The following DHTKD1 variants were observed in gnomAD, a reference collection of about 807,000 sequenced individuals.
DHTKD1 encodes 2-oxoadipate dehydrogenase complex component E1.
A neutral mutation model predicts 101.8 loss-of-function variants in DHTKD1; 78 were observed. The observed-to-expected ratio is 0.77, with a 90% confidence interval of 0.64 to 0.93. The LOEUF is 0.93. Ranked by LOEUF, DHTKD1 falls within the 40% of genes least tolerant of loss-of-function variation. The pLI is 0.00. For synonymous variants in DHTKD1, 462 were observed against 450.3 expected (o/e 1.03, Z -0.33); for missense variants, 1,223 against 1,161.7 (o/e 1.05, Z -0.77).
In DHTKD1 at chr10:12,081,607, A is replaced by C. The variant is rs747213281; in HGVS notation, c.290A>C (p.Gln97Pro). ...ATCCAAGCCCTGGTGCAGACACTGCAGGGACCCTTCCACACGGCAGGTATG... is the reference window on the plus strand; with the variant it reads ...ATCCAAGCCCTGGTGCAGACACTGCCGGGACCCTTCCACACGGCAGGTATG... ...PEIQALVQTL[Q>P]GPFHTAGLLN... Residue 97 changes from glutamine (Q) to proline (P), a missense_variant, in exon 2 of 17, where the codon CAG (glutamine) becomes CCG (proline). Transcript: ENST00000263035. 6.2e-6 allele frequency: 10 copies of C among 1,614,130 alleles called. No homozygotes were observed. In the East Asian group the frequency reaches 2.2e-4, roughly 36 times the overall value.
intron 13 of DHTKD1, among the ~76,000 whole-genome samples, chr10:12,114,183 A>C (rs897687943): frequency 6.6e-6 from 1 of 152,186 alleles, no homozygotes; most frequent in African/African-American, 2.4e-5. Flanking sequence ...AATCACAAAA[A>C]TATGCTAGTT....
intron 2 of DHTKD1, among the ~76,000 whole-genome samples, chr10:12,083,559 A>T (rs1832854583): frequency 6.6e-6 from 1 of 152,114 alleles, no homozygotes; most frequent in Non-Finnish European, 1.5e-5. Flanking sequence ...AGATGGTGAA[A>T]CCCCATCTAT....
chr10:12,085,196 GC>G (rs1347790517), intron 3 of DHTKD1, among the ~76,000 whole-genome samples: 1 of 152,110 alleles, frequency 6.6e-6, no homozygotes, highest in African/African-American at 2.4e-5. Flanking sequence ...TATAATCCCA[GC>G]TAATCAGGAG....
chr10:12,084,284 C>G (rs1356516029), intron 2 of DHTKD1, among the ~76,000 whole-genome samples: 1 of 150,138 alleles, frequency 6.7e-6, no homozygotes, highest in Non-Finnish European at 1.5e-5. Flanking sequence ...TTGGTATGTT[C>G]CAGAATTAAC....
chr10:12,106,804 G>A (rs935975097), intron 11 of DHTKD1, among the ~76,000 whole-genome samples: 1 of 152,138 alleles, frequency 6.6e-6, no homozygotes, highest in African/African-American at 2.4e-5. Flanking sequence ...TTGAATACCT[G>A]CCTTAAATCT....
chr10:12,100,288 T>TTTTTTTTTTTG lies in DHTKD1; in HGVS notation c.1756+36_1756+37insGTTTTTTTTTT, dbSNP rs1554793013. 33 of 698,728 alleles carry TTTTTTTTTTTG rather than the reference T, an allele frequency of 4.7e-5. 1 individual carries two copies. Among genetic ancestry groups the TTTTTTTTTTTG allele is most frequent in the Middle Eastern group, 4.5e-4 (1 of 2,198 alleles). The allele number at this position is 698,728 out of a possible 1,614,324, so 43.3% of individuals were successfully genotyped here. ...GTAAGAATTTTCTTTTTTTTTTCTG[T>TTTTTTTTTTTG]TTTTTTTTTTTTTGAGTCTCACCCT... On this transcript the variant is annotated intron_variant, in intron 9 of 16. Coordinates refer to ENST00000263035, the MANE Select transcript of DHTKD1 (RefSeq NM_018706.7).
intron 9 of DHTKD1, among the ~76,000 whole-genome samples, chr10:12,100,753 A>T (rs946061388): frequency 6.6e-6 from 1 of 152,190 alleles, no homozygotes; most frequent in Non-Finnish European, 1.5e-5. Flanking sequence ...GACAACCTTC[A>T]TCAGAGTATA....
intron 1 of DHTKD1, 43 bp downstream of exon 1, chr10:12,069,230 C>A: frequency 6.8e-7 from 1 of 1,472,240 alleles, no homozygotes; most frequent in South Asian, 1.3e-5. Context: ...GGCTGGGACG[C>A]AGAAGCCTCC....
intron 8 of DHTKD1, 64 bp downstream of exon 8, chr10:12,098,060 G>C (rs915463534): frequency 6.8e-7 from 1 of 1,462,120 alleles, no homozygotes; most frequent in Non-Finnish European, 9.2e-7. Context: ...AGCTGACGTT[G>C]GTCTGGTGTT....
At chr10:12,113,712 GC>G (rs767597832) in intron 13 of DHTKD1, among the ~76,000 whole-genome samples, 1 of 152,040 alleles carries the variant, frequency 6.6e-6, no homozygotes, top group African/African-American at 2.4e-5. Context: ...GATTGCTTGA[GC>G]CCAGGAGTTT....
chr10:12,097,653 C>G, intron 7 of DHTKD1, 31 bp from the exon 8 acceptor site: 2 of 1,572,526 alleles, frequency 1.3e-6, no homozygotes, highest in Non-Finnish European at 1.7e-6. Context: ...ACAGGTCAGA[C>G]TGATTTTTGT....
intron 5 of DHTKD1, among the ~76,000 whole-genome samples, chr10:12,090,920 G>T (rs1156590220): frequency 6.6e-6 from 1 of 152,130 alleles, no homozygotes; most frequent in African/African-American, 2.4e-5. Flanking sequence ...AGATTGTGGT[G>T]GCGGGCGCCT....
At position 12,100,290 on chromosome 10, in the gene DHTKD1, T is replaced by TTTTTTTTTTG. The variant is rs765145842; in HGVS notation, c.1756+37_1756+38insGTTTTTTTTT. On this transcript the variant is annotated intron_variant, in intron 9 of 16. Transcript: ENST00000263035. ...AAGAATTTTCTTTTTTTTTTCTGTT[T>TTTTTTTTTTG]TTTTTTTTTTTGAGTCTCACCCTGT... 26 of 843,530 alleles carry TTTTTTTTTTG rather than the reference T, an allele frequency of 3.1e-5. 1 individual carries two copies. Among genetic ancestry groups the TTTTTTTTTTG allele is most frequent in the Admixed American group, 1.5e-4 (5 of 34,436 alleles). The allele number at this position is 843,530 out of a possible 1,614,324, so 52.3% of individuals were successfully genotyped here. A position where few individuals can be genotyped will look rare whatever the true frequency, so the allele number is the denominator to read the frequency against.
chr10:12,118,118 G>C (rs1380994482), intron 14 of DHTKD1, among the ~76,000 whole-genome samples: 1 of 151,866 alleles, frequency 6.6e-6, no homozygotes, highest in African/African-American at 2.4e-5. Context: ...TCGAACTCCT[G>C]ACCTCAGGTT....
Position 12,097,943 on chromosome 10 carries a change from G to T in DHTKD1, c.1618G>T (p.Glu540Ter), listed in dbSNP as rs1287336614. Residue 540 changes from glutamate to a stop codon, truncating the protein, a stop_gained, in exon 8 of 17, where the codon GAG (glutamate) becomes TAG (stop). Coordinates refer to ENST00000263035, the MANE Select transcript of DHTKD1 (RefSeq NM_018706.7). LOFTEE classifies it high-confidence loss of function. ...LLRFVGMKSV[E>*]VPRELQMHSH... is the part of the protein sequence containing the mutation. ...GCGGTTTGTTGGCATGAAGTCTGTA[G>T]AGGTGCCAAGAGAGCTGCAGATGCA... 10 of 1,614,040 alleles carry T rather than the reference G, an allele frequency of 6.2e-6. No individual in the cohort carries two copies. The highest frequency in any genetic ancestry group is 8.5e-6 in the Non-Finnish European group (10 of 1,179,928).
chr10:12,095,855 GAA>G (rs1833064264), intron 7 of DHTKD1, among the ~76,000 whole-genome samples: 1 of 111,310 alleles, frequency 9.0e-6, no homozygotes, highest in Admixed American at 9.3e-5. Context: ...AAAAGAAAAA[GAA>G]AAATTAGCTG....
intron 7 of DHTKD1, among the ~76,000 whole-genome samples, chr10:12,096,398 T>G (rs533181319): frequency 6.6e-6 from 1 of 152,304 alleles, no homozygotes; most frequent in African/African-American, 2.4e-5. Flanking sequence ...TTTTATTTAT[T>G]TTTTTGAGAC....
At chr10:12,080,081 C>G (rs10795928) in intron 1 of DHTKD1, among the ~76,000 whole-genome samples, 72,220 of 151,888 alleles carry the variant, frequency 0.48, 19,323 homozygotes, top group South Asian at 0.72. Context: ...GAGATCGAGA[C>G]CATCCTGGCT....
intron 1 of DHTKD1, 72 bp downstream of exon 1, chr10:12,069,259 G>T: frequency 7.2e-7 from 1 of 1,393,384 alleles, no homozygotes; most frequent in South Asian, 1.5e-5. Flanking sequence ...ATTTGCGGTG[G>T]GGTGTCGGGG....
Sources: allele counts gnomAD v4.1 joint callset (sites outside exome capture counted in the v4.1 genomes callset), GRCh38; gene constraint gnomAD v4.1.1; transcripts MANE v1.5; gene names NCBI Gene and HGNC (gene_info 2026-07-23, HGNC 2026-07-21).